The following NCOA7 variants were observed in gnomAD, a reference collection of about 807,000 sequenced individuals.
The protein encoded by NCOA7 is 140 kDa estrogen receptor-associated protein.
NCOA7 carries 45 observed loss-of-function variants against 104.3 expected under a neutral mutation model. The ratio of observed to expected loss-of-function variants is 0.43; its 90% CI spans 0.34 to 0.55. The LOEUF (loss-of-function observed/expected upper bound fraction) is 0.55, where lower values mean the gene tolerates loss of function less well. Ranked by LOEUF, NCOA7 falls within the 20% of genes least tolerant of loss-of-function variation. The probability of loss-of-function intolerance (pLI) is 0.02; values close to 1 mark genes in which losing one functional copy is unlikely to be tolerated. For synonymous variants in NCOA7, 398 were observed against 402.3 expected (o/e 0.99, Z 0.13); for missense variants, 1,041 against 1,119.7 (o/e 0.93, Z 1.00).
At chr6:125,782,193 T>G (rs1774258820) in intron 1 of NCOA7, among the ~76,000 whole-genome samples, 1 of 152,268 alleles carries the variant, frequency 6.6e-6, no homozygotes, top group Admixed American at 6.5e-5. Context: ...TTTTACTTTT[T>G]TAATGTAGCT....
intron 1 of NCOA7, among the ~76,000 whole-genome samples, chr6:125,794,056 A>G (rs1410245491): frequency 6.6e-6 from 1 of 152,208 alleles, no homozygotes; most frequent in East Asian, 1.9e-4. Flanking sequence ...AGATCTTCAG[A>G]AGCTGTACTT....
At chr6:125,919,304 G>T in intron 11 of NCOA7, 1 of 1,612,694 alleles carries the variant, frequency 6.2e-7, no homozygotes, top group Non-Finnish European at 8.5e-7. Context: ...AAGCAGAGTA[G>T]AGAGAAAACT....
At chr6:125,912,626 C>A (rs1786682414) in intron 10 of NCOA7, among the ~76,000 whole-genome samples, 1 of 152,182 alleles carries the variant, frequency 6.6e-6, no homozygotes, top group African/African-American at 2.4e-5. Context: ...GCATTAAGCA[C>A]ATGATTTACA....
At chr6:125,903,091 C>A (rs1177712858) in intron 10 of NCOA7, among the ~76,000 whole-genome samples, 3 of 152,156 alleles carry the variant, frequency 2.0e-5, no homozygotes, top group African/African-American at 7.2e-5. Context: ...ATCTGCTAAA[C>A]AGGGATTTGT....
At chr6:125,830,344 A>G (rs1779061250) in intron 2 of NCOA7, among the ~76,000 whole-genome samples, 1 of 152,106 alleles carries the variant, frequency 6.6e-6, no homozygotes, top group Admixed American at 6.5e-5. Context: ...TCCACCTAAG[A>G]TGGAGTTTTC....
intron 2 of NCOA7, among the ~76,000 whole-genome samples, chr6:125,839,791 C>T (rs1475147435): frequency 2.0e-5 from 3 of 152,088 alleles, no homozygotes; most frequent in Non-Finnish European, 4.4e-5. Flanking sequence ...TAGTGCAACA[C>T]ATTACTCAGT....
At chr6:125,812,496 G>T (rs1253829654) in intron 1 of NCOA7, among the ~76,000 whole-genome samples, 1 of 152,214 alleles carries the variant, frequency 6.6e-6, no homozygotes, top group Non-Finnish European at 1.5e-5. Context: ...CTGAGACTGT[G>T]TACTCCCATG....
At chr6:125,910,535 AC>A (rs1054458779) in intron 10 of NCOA7, among the ~76,000 whole-genome samples, 5 of 152,214 alleles carry the variant, frequency 3.3e-5, no homozygotes, top group Non-Finnish European at 7.3e-5. Context: ...TTCTAAGTTA[AC>A]TTTTAATAGG....
At chr6:125,823,492 C>T (rs980226309) in intron 2 of NCOA7, among the ~76,000 whole-genome samples, 1 of 152,026 alleles carries the variant, frequency 6.6e-6, no homozygotes, top group African/African-American at 2.4e-5. Flanking sequence ...TTGTATGAGC[C>T]GTGATGTTAA....
chr6:125,875,876 G>C (rs535674627), intron 4 of NCOA7, among the ~76,000 whole-genome samples: 15 of 152,228 alleles, frequency 9.9e-5, no homozygotes, highest in Non-Finnish European at 1.9e-4. Context: ...ACAATGCTAG[G>C]TGTGTGTTCA....
At chr6:125,883,398 A>G (rs72969784) in intron 7 of NCOA7, among the ~76,000 whole-genome samples, 16,958 of 152,278 alleles carry the variant, frequency 0.11, 1,116 homozygotes, top group African/African-American at 0.18. Flanking sequence ...TCACCCAATT[A>G]CAGTGTAAAA....
chr6:125,823,403 G>T (rs1778378600), intron 2 of NCOA7, among the ~76,000 whole-genome samples: 1 of 152,068 alleles, frequency 6.6e-6, no homozygotes, highest in South Asian at 2.1e-4. Flanking sequence ...TAAAAATATT[G>T]AGAATATTTC....
intron 14 of NCOA7, 120 bp downstream of exon 14, chr6:125,927,878 G>T (rs76949168): frequency 1.1e-6 from 1 of 875,398 alleles, no homozygotes; most frequent in Admixed American, 1.9e-5. Flanking sequence ...TCCGGGCTGG[G>T]TCAGCCCTTT....
At chr6:125,789,688 C>A (rs1175199463), upstream of NCOA7, among the ~76,000 whole-genome samples, 1 of 152,190 alleles carries the variant, frequency 6.6e-6, no homozygotes, top group East Asian at 1.9e-4. Flanking sequence ...GCAATTATTC[C>A]ACATTTGCAA....
At chr6:125,795,391 C>G (rs779916613) in intron 1 of NCOA7, among the ~76,000 whole-genome samples, 1 of 152,146 alleles carries the variant, frequency 6.6e-6, no homozygotes, top group Non-Finnish European at 1.5e-5. Context: ...ACGCATGGCT[C>G]TAGAGTGAAA....
intron 2 of NCOA7, among the ~76,000 whole-genome samples, chr6:125,843,426 G>A (rs1306743284): frequency 2.0e-5 from 3 of 152,174 alleles, no homozygotes; most frequent in East Asian, 3.9e-4. Context: ...GTTACCAAGT[G>A]TGTGGTAATT....
chr6:125,870,424 A>G (rs951274248), intron 3 of NCOA7, among the ~76,000 whole-genome samples: 3 of 151,800 alleles, frequency 2.0e-5, no homozygotes, highest in Admixed American at 6.6e-5. Context: ...CCTTTTTTCC[A>G]TGGCCTCTGT....
intron 4 of NCOA7, among the ~76,000 whole-genome samples, chr6:125,877,923 G>T (rs141517648): frequency 1.1e-4 from 17 of 152,298 alleles, no homozygotes; most frequent in African/African-American, 3.9e-4. Context: ...TCCCCTGAGG[G>T]TGGGGACTCT....
At chr6:125,916,836 C>G (rs991058747) in intron 11 of NCOA7, among the ~76,000 whole-genome samples, 10 of 152,202 alleles carry the variant, frequency 6.6e-5, no homozygotes, top group African/African-American at 2.4e-4. Context: ...CATCTGTGTC[C>G]ATGTATAAGT....
Sources: gnomAD v4.1 joint callset for allele counts (sites outside exome capture counted in the v4.1 genomes callset) on GRCh38, gnomAD v4.1.1 for gene constraint, MANE v1.5 for transcripts, NCBI Gene and HGNC (gene_info 2026-07-23, HGNC 2026-07-21) for gene names.